The following IMMP1L variants were observed in gnomAD, a reference collection of about 807,000 sequenced individuals.
IMMP1L encodes the protein inner mitochondrial membrane peptidase subunit 1.
A neutral mutation model predicts 21.8 loss-of-function variants in IMMP1L; 24 were observed. That is an observed-to-expected ratio of 1.10 (90% CI 0.80 to 1.55). The LOEUF (loss-of-function observed/expected upper bound fraction) is 1.55. Ranked by LOEUF, IMMP1L falls within the 40% of genes most tolerant of loss-of-function variation. The pLI, the probability that IMMP1L is intolerant of heterozygous loss-of-function variation, is 0.00. For missense variants in IMMP1L, 195 were observed against 200.7 expected (o/e 0.97, Z 0.17); for synonymous variants, 46 against 62.8 (o/e 0.73, Z 1.26).
chr11:31,498,035 C>T (rs989399211), intron 1 of IMMP1L, among the ~76,000 whole-genome samples: 1 of 152,038 alleles, frequency 6.6e-6, no homozygotes, highest in Admixed American at 6.5e-5. Context: ...GAGAGAAAAA[C>T]GATCGTCATG....
chr11:31,489,098 C>T lies in IMMP1L; in HGVS notation c.-30+20421G>A, dbSNP rs142001589. 6.2e-3 allele frequency among the ~76,000 whole-genome samples: 937 copies of T among 151,996 alleles called. 11 individuals are homozygous for T. The highest frequency in any genetic ancestry group is 0.022 in the African/African-American group (893 of 41,468). ...ATTTTTAGTAGAGACGGGGTTTCAC[C>T]GTGTTAGCCAGGATGCTCTTGATTT... is the stretch of plus-strand genomic sequence containing the variant. On this transcript the variant is annotated intron_variant, in intron 1 of 5. Coordinates refer to ENST00000532287, the MANE Select transcript of IMMP1L (RefSeq NM_001304274.2).
At chr11:31,445,825 A>G (rs1392228110) in intron 4 of IMMP1L, among the ~76,000 whole-genome samples, 1 of 151,990 alleles carries the variant, frequency 6.6e-6, no homozygotes, top group Non-Finnish European at 1.5e-5. Flanking sequence ...TGCATGATAC[A>G]AAGAGAATAG....
chr11:31,433,327 G>T (rs538841900), intron 5 of IMMP1L, 133 bp downstream of exon 5: 161 of 543,732 alleles, frequency 3.0e-4, no homozygotes, highest in African/African-American at 2.8e-3. Context: ...TTAAGTTAAG[G>T]CCAACAGGTT....
At chr11:31,509,418 C>A in intron 1 of IMMP1L, 101 bp downstream of exon 1, 1 of 226,274 alleles carries the variant, frequency 4.4e-6, no homozygotes, top group Admixed American at 5.0e-5. Context: ...CTAGCAATTG[C>A]TTGATAAGCC....
intron 1 of IMMP1L, among the ~76,000 whole-genome samples, chr11:31,483,257 C>CA (rs1368308607): frequency 1.3e-5 from 2 of 151,594 alleles, no homozygotes; most frequent in Non-Finnish European, 3.0e-5. Context: ...ATTTGGTTTG[C>CA]AAAAAAATCA....
At chr11:31,486,137 G>GAAA (rs1955068344) in intron 1 of IMMP1L, among the ~76,000 whole-genome samples, 2 of 151,310 alleles carry the variant, frequency 1.3e-5, no homozygotes, top group East Asian at 3.9e-4. Flanking sequence ...AATAGCCGAA[G>GAAA]GAATATCTGA....
chr11:31,433,641 T>C, intron 4 of IMMP1L, 71 bp from the exon 5 acceptor site: 2 of 903,144 alleles, frequency 2.2e-6, no homozygotes, highest in East Asian at 2.5e-5. Context: ...AAAAAGCATG[T>C]CATTCAGAGG....
intron 4 of IMMP1L, among the ~76,000 whole-genome samples, chr11:31,447,273 C>G (rs757097656): frequency 1.6e-4 from 25 of 152,186 alleles, no homozygotes; most frequent in Non-Finnish European, 2.8e-4. Context: ...GTCCCCCCTC[C>G]CAAGTCCAGT....
At chr11:31,469,619 C>T (rs1197105202) in intron 1 of IMMP1L, 1 of 152,076 alleles carries the variant, frequency 6.6e-6, no homozygotes, top group Non-Finnish European at 1.5e-5. Flanking sequence ...CTAATATAAT[C>T]AGAGACCTAA....
At chr11:31,452,202 T>C (rs1291703144) in intron 4 of IMMP1L, 1 of 983,166 alleles carries the variant, frequency 1.0e-6, no homozygotes, top group Non-Finnish European at 1.2e-6. Flanking sequence ...TTTGTTTAGA[T>C]GCAGATTTTA....
intron 1 of IMMP1L, chr11:31,477,086 A>C (rs192951760): frequency 6.6e-6 from 1 of 152,248 alleles, no homozygotes; most frequent in East Asian, 1.9e-4. Context: ...CATTACCTTC[A>C]TTACAAAAAA....
intron 1 of IMMP1L, among the ~76,000 whole-genome samples, chr11:31,472,251 C>T (rs149981038): frequency 6.6e-6 from 1 of 152,192 alleles, no homozygotes; most frequent in Non-Finnish European, 1.5e-5. Flanking sequence ...ATTCTACCTA[C>T]CACACCAGGA....
At chr11:31,481,856 G>A (rs919733677) in intron 1 of IMMP1L, among the ~76,000 whole-genome samples, 3 of 151,854 alleles carry the variant, frequency 2.0e-5, no homozygotes, top group African/African-American at 7.3e-5. Context: ...AAAATCCTAA[G>A]CTTTAAAGAT....
intron 3 of IMMP1L, among the ~76,000 whole-genome samples, chr11:31,458,646 G>A (rs1261834406): frequency 6.6e-6 from 1 of 152,166 alleles, no homozygotes; most frequent in Non-Finnish European, 1.5e-5. Context: ...GTTCTGTGCT[G>A]TGGGTAAAAG....
chr11:31,434,425 T>A (rs1236068270), intron 4 of IMMP1L, among the ~76,000 whole-genome samples: 1 of 152,160 alleles, frequency 6.6e-6, no homozygotes, highest in Non-Finnish European at 1.5e-5. Context: ...TAAAATTGCT[T>A]TTTAAAAGTT....
At chr11:31,498,770 T>G in intron 1 of IMMP1L, among the ~76,000 whole-genome samples, 1 of 152,214 alleles carries the variant, frequency 6.6e-6, no homozygotes, top group Non-Finnish European at 1.5e-5. Context: ...TAGAACAAGT[T>G]ACTTATCCTT....
intron 1 of IMMP1L, among the ~76,000 whole-genome samples, chr11:31,487,968 C>T (rs1428697686): frequency 6.6e-6 from 1 of 152,012 alleles, no homozygotes; most frequent in African/African-American, 2.4e-5. Flanking sequence ...CCAAAGATTC[C>T]CCTCCTTAGT....
chr11:31,443,266 A>G (rs915244651), intron 4 of IMMP1L, among the ~76,000 whole-genome samples: 2 of 152,232 alleles, frequency 1.3e-5, no homozygotes, highest in Non-Finnish European at 2.9e-5. Flanking sequence ...GAGTCATGTA[A>G]CAGCAAAATT....
intron 4 of IMMP1L, among the ~76,000 whole-genome samples, chr11:31,451,193 TGTAA>T (rs1426744764): frequency 6.6e-6 from 1 of 152,128 alleles, no homozygotes; most frequent in African/African-American, 2.4e-5. Context: ...TGGCTTTTAC[TGTAA>T]GTGAGATGGG....
Sources: gnomAD v4.1 joint callset for allele counts (sites outside exome capture counted in the v4.1 genomes callset) on GRCh38, gnomAD v4.1.1 for gene constraint, MANE v1.5 for transcripts, NCBI Gene and HGNC (gene_info 2026-07-23, HGNC 2026-07-21) for gene names.